The following CDH4 variants were observed in gnomAD, a reference collection of about 807,000 sequenced individuals.
CDH4 encodes the protein cadherin 4, also known as cadherin-4.
CDH4 carries 33 observed loss-of-function variants against 86.0 expected under a neutral mutation model. The ratio of observed to expected loss-of-function variants is 0.38; its 90% confidence interval spans 0.29 to 0.51. The LOEUF (loss-of-function observed/expected upper bound fraction) is 0.51. CDH4 is among the 20% of genes least tolerant of loss of function. The probability of loss-of-function intolerance (pLI) is 0.86; values close to 1 mark genes in which losing one functional copy is unlikely to be tolerated. For synonymous variants in CDH4, 555 were observed against 549.4 expected, an observed-to-expected ratio of 1.01 and a Z score of -0.14; for missense variants, 1,114 against 1,307.4, an observed-to-expected ratio of 0.85 and a Z score of 2.28.
chr20:61,579,686 C>T (rs2086410904), intron 2 of CDH4, among the ~76,000 whole-genome samples: 1 of 152,168 alleles, frequency 6.6e-6, no homozygotes, highest in African/African-American at 2.4e-5. Flanking sequence ...ACAACCCCCA[C>T]TCTGCCCCGA....
chr20:61,934,640 G>A (rs1267599125), intron 15 of CDH4, among the ~76,000 whole-genome samples: 2 of 152,202 alleles, frequency 1.3e-5, no homozygotes, highest in African/African-American at 2.4e-5. Context: ...CGCTGTGAAT[G>A]GCCTTCCCGG....
At chr20:61,908,743 T>C (rs1427899129) in intron 8 of CDH4, among the ~76,000 whole-genome samples, 1 of 152,128 alleles carries the variant, frequency 6.6e-6, no homozygotes, top group African/African-American at 2.4e-5. Context: ...GAAGACTCTT[T>C]CTTACCGAAG....
chr20:61,845,762 G>A (rs920803374), intron 5 of CDH4, among the ~76,000 whole-genome samples: 29 of 152,240 alleles, frequency 1.9e-4, no homozygotes, highest in Non-Finnish European at 1.5e-5. Context: ...CTTCTCCGTG[G>A]TAACTCGGGA....
chr20:61,623,129 G>A lies in CDH4; in HGVS notation c.170-120434G>A, dbSNP rs1203519073. Among the ~76,000 whole-genome samples, 1 of 152,214 alleles carries A rather than the reference G, an allele frequency of 6.6e-6. No individual in the cohort carries two copies. Among genetic ancestry groups the A allele is most frequent in the Non-Finnish European group, 1.5e-5 (1 of 68,034 alleles). On this transcript the variant is annotated intron_variant, in intron 2 of 15. Coordinates refer to ENST00000614565, the MANE Select transcript of CDH4 (RefSeq NM_001794.5). This position sits in a 1 kb window ranked among gnomAD's most constrained non-coding sequence, Gnocchi z 4.4. ...GTGGGTTGGAGATGGATGCAGAGAA[G>A]TGGAGTTTCCAGATGAGGATGTGGA... is the stretch of plus-strand genomic sequence containing the variant.
intron 2 of CDH4, among the ~76,000 whole-genome samples, chr20:61,659,183 C>T (rs6061304): frequency 0.56 from 85,404 of 152,064 alleles, 24,753 homozygotes; most frequent in African/African-American, 0.7. Context: ...CCACGTGAGG[C>T]CCTGCACCAC....
chr20:61,817,433 A>G (rs978036162), intron 4 of CDH4, among the ~76,000 whole-genome samples: 1 of 151,898 alleles, frequency 6.6e-6, no homozygotes, highest in Non-Finnish European at 1.5e-5. Context: ...CCACCCCCCA[A>G]ATGGATCTGC....
At chr20:61,683,877 G>A (rs2087546381) in intron 2 of CDH4, among the ~76,000 whole-genome samples, 1 of 152,236 alleles carries the variant, frequency 6.6e-6, no homozygotes, top group South Asian at 2.1e-4. Context: ...GCACCGCCTA[G>A]CTGGCACTTC....
At chr20:61,432,036 G>A (rs1368878581) in intron 2 of CDH4, among the ~76,000 whole-genome samples, 2 of 152,166 alleles carry the variant, frequency 1.3e-5, no homozygotes, top group African/African-American at 2.4e-5. Context: ...CTCTGTATCC[G>A]TTCCCCTTCT....
intron 6 of CDH4, among the ~76,000 whole-genome samples, chr20:61,872,239 G>A (rs1872096068): frequency 1.3e-5 from 2 of 152,204 alleles, no homozygotes; most frequent in African/African-American, 4.8e-5. Context: ...TGTGGTGGCT[G>A]TAATCCCACA....
intron 2 of CDH4, among the ~76,000 whole-genome samples, chr20:61,720,268 A>G (rs1484203012): frequency 2.0e-5 from 3 of 152,124 alleles, no homozygotes; most frequent in Admixed American, 1.3e-4. Flanking sequence ...TCTGTGCTCT[A>G]TGGGCCGCAC....
At chr20:61,763,573 A>G (rs1358684912) in intron 3 of CDH4, among the ~76,000 whole-genome samples, 3 of 152,166 alleles carry the variant, frequency 2.0e-5, no homozygotes, top group East Asian at 3.9e-4. Context: ...CTGCATCTCT[A>G]CCACAAGGAA....
At chr20:61,526,402 C>T (rs946396105) in intron 2 of CDH4, among the ~76,000 whole-genome samples, 2 of 152,122 alleles carry the variant, frequency 1.3e-5, no homozygotes, top group African/African-American at 4.8e-5. Context: ...GTGCCGGACC[C>T]CTCACAGGAG....
At chr20:61,866,515 A>G (rs1490651059) in intron 6 of CDH4, among the ~76,000 whole-genome samples, 1 of 152,208 alleles carries the variant, frequency 6.6e-6, no homozygotes, top group Non-Finnish European at 1.5e-5. Context: ...TAGCTTTTGC[A>G]CATTTGACAT....
chr20:61,312,344 C>T (rs961684555), intron 2 of CDH4, among the ~76,000 whole-genome samples: 14 of 144,428 alleles, frequency 9.7e-5, no homozygotes, highest in Admixed American at 8.3e-4. Flanking sequence ...TATATGTGTG[C>T]GATGTGTACA....
chr20:61,336,197 T>C (rs1272848187), intron 2 of CDH4, among the ~76,000 whole-genome samples: 1 of 152,196 alleles, frequency 6.6e-6, no homozygotes, highest in East Asian at 1.9e-4. Context: ...CAGACCCACT[T>C]GGCTGCTATG....
intron 2 of CDH4, among the ~76,000 whole-genome samples, chr20:61,565,086 G>GTGGTGC (rs1195428186): frequency 1.8e-5 from 2 of 108,564 alleles, no homozygotes; most frequent in East Asian, 5.0e-4. Context: ...GGTGGTGGTG[G>GTGGTGC]TGCTCTTGGT....
chr20:61,509,829 A>C (rs1271650802), intron 2 of CDH4, among the ~76,000 whole-genome samples: 2 of 152,134 alleles, frequency 1.3e-5, no homozygotes, highest in Admixed American at 1.3e-4. Context: ...TCAGGAAAAC[A>C]GTGGATTTCC....
chr20:61,256,208 C>A (rs568875337), intron 2 of CDH4, among the ~76,000 whole-genome samples: 1 of 152,146 alleles, frequency 6.6e-6, no homozygotes, highest in African/African-American at 2.4e-5. Context: ...ATCCTTCACT[C>A]TCAGTGCGTT....
At chr20:61,889,557 G>A (rs1984703971) in intron 7 of CDH4, among the ~76,000 whole-genome samples, 1 of 151,512 alleles carries the variant, frequency 6.6e-6, no homozygotes, top group Non-Finnish European at 1.5e-5. Context: ...ATGGATGATG[G>A]ATGGGTAGAT....
Sources: allele counts gnomAD v4.1 joint callset (sites outside exome capture counted in the v4.1 genomes callset), GRCh38; gene constraint gnomAD v4.1.1; non-coding constraint Gnocchi (gnomAD v3.1); transcripts MANE v1.5; gene names NCBI Gene and HGNC (gene_info 2026-07-23, HGNC 2026-07-21).